The following SYCP2L variants were observed in gnomAD, a reference collection of about 807,000 sequenced individuals.
SYCP2L encodes synaptonemal complex protein 2 like, also known as synaptonemal complex protein 2-like.
Under a neutral mutation model 125.8 loss-of-function variants are expected in SYCP2L, and 98 were observed. That is an observed-to-expected ratio of 0.78 (90% CI 0.66 to 0.92). The LOEUF (loss-of-function observed/expected upper bound fraction) is 0.92, where lower values mean the gene tolerates loss of function less well. Among genes scored for constraint, SYCP2L ranks in the 40% least tolerant of loss-of-function variants. The pLI, the probability that SYCP2L is intolerant of heterozygous loss-of-function variation, is 0.00. For synonymous variants in SYCP2L, 317 were observed against 325.4 expected, an observed-to-expected ratio of 0.97 and a Z score of 0.28; for missense variants, 842 against 936.4, an observed-to-expected ratio of 0.90 and a Z score of 1.32.
intron 2 of SYCP2L, among the ~76,000 whole-genome samples, chr6:10,893,141 G>A (rs989146553): frequency 6.6e-6 from 1 of 152,098 alleles, no homozygotes; most frequent in African/African-American, 2.4e-5. Context: ...AAGTATTACA[G>A]GCATGCGCCA....
At chr6:10,963,897 G>C (rs747427999) in intron 29 of SYCP2L, 54 bp downstream of exon 29, 9 of 1,369,590 alleles carry the variant, frequency 6.6e-6, no homozygotes, top group Non-Finnish European at 9.3e-6. Context: ...TCAGGGCAGG[G>C]AGCAAGCTCT....
chr6:10,963,961 A>ATT (rs149829365), intron 29 of SYCP2L, 118 bp downstream of exon 29: 5,965 of 476,040 alleles, frequency 0.013, 2 homozygotes, highest in East Asian at 0.021. Flanking sequence ...GAACTTCTCC[A>ATT]TTTTTTTTTT....
At chr6:10,945,703 G>C (rs376407201) in intron 23 of SYCP2L, among the ~76,000 whole-genome samples, 1 of 151,356 alleles carries the variant, frequency 6.6e-6, no homozygotes, top group Admixed American at 6.6e-5. Context: ...CCAGGAGGCG[G>C]AGGTTGCGGT....
chr6:10,935,280 T>A, intron 21 of SYCP2L, 93 bp downstream of exon 21: 1 of 1,246,862 alleles, frequency 8.0e-7, no homozygotes, highest in Non-Finnish European at 1.1e-6. Context: ...TAATATCTAT[T>A]AAAGAAAATA....
intron 29 of SYCP2L, among the ~76,000 whole-genome samples, chr6:10,972,352 A>C (rs1432664430): frequency 6.6e-6 from 1 of 152,258 alleles, no homozygotes; most frequent in Non-Finnish European, 1.5e-5. Flanking sequence ...GCTCCAATAG[A>C]GAATTGGATT....
rs144680644 is a variant in SYCP2L, at chr6:10,966,963, A to G, written c.*37+3120A>G. Among the ~76,000 whole-genome samples the G allele has an allele frequency of 4.6e-3, 696 of 152,326 alleles. 3 individuals carry two copies. Among genetic ancestry groups the G allele is most frequent in the Non-Finnish European group, 8.1e-3 (550 of 68,002 alleles). ...TGTGAAAACTTAGATGAAATGAACA[A>G]TTTTCTAGATGAATATGATTGAAAT... On this transcript the variant is annotated intron_variant, in intron 29 of 29. Coordinates refer to ENST00000283141, the MANE Select transcript of SYCP2L (RefSeq NM_001040274.3).
At chr6:10,969,900 T>C (rs1181255651) in intron 29 of SYCP2L, among the ~76,000 whole-genome samples, 1 of 152,164 alleles carries the variant, frequency 6.6e-6, no homozygotes, top group Non-Finnish European at 1.5e-5. Flanking sequence ...TGATCCCACC[T>C]GTATGAAATG....
intron 1 of SYCP2L, among the ~76,000 whole-genome samples, chr6:10,890,584 T>C (rs1236444036): frequency 2.6e-5 from 4 of 152,240 alleles, no homozygotes; most frequent in Non-Finnish European, 5.9e-5. Flanking sequence ...CTGTATATTC[T>C]AGATATTAAT....
intron 20 of SYCP2L, among the ~76,000 whole-genome samples, chr6:10,932,028 G>A (rs1340455166): frequency 2.8e-5 from 4 of 144,564 alleles, no homozygotes; most frequent in Non-Finnish European, 6.0e-5. Context: ...AAATGTTGCT[G>A]GAGGATGTTT....
chr6:10,936,035 TTTA>T (rs146959086), intron 21 of SYCP2L, among the ~76,000 whole-genome samples: 28,223 of 151,914 alleles, frequency 0.19, 2,747 homozygotes, highest in Middle Eastern at 0.3. Flanking sequence ...ATAATATGAT[TTTA>T]TTATTATTAA....
In SYCP2L at chr6:10,948,691, A is replaced by G. The variant is rs145788807; in HGVS notation, c.1954+5945A>G. Reference sequence around the variant, plus strand: ...CCTGTACTTTTCTCCTACTGCTATTATCTGGCATTGGAATCAGTGTCACAC... The same window carrying G: ...CCTGTACTTTTCTCCTACTGCTATTGTCTGGCATTGGAATCAGTGTCACAC... On this transcript the variant is annotated intron_variant, in intron 23 of 29. Transcript: ENST00000283141. Among the ~76,000 whole-genome samples, 944 of 152,214 alleles carry G rather than the reference A, an allele frequency of 6.2e-3. 9 individuals are homozygous for G. The highest frequency in any genetic ancestry group is 0.02 in the African/African-American group (838 of 41,550).
rs1004243064 is a variant in SYCP2L, at chr6:10,926,278, T to TA, written c.1219-58dup. On this transcript the variant is annotated intron_variant, in intron 15 of 29. Coordinates refer to ENST00000283141, the MANE Select transcript of SYCP2L (RefSeq NM_001040274.3). ...TTTGTTCTAAGCTTTACGTTTTCCT[T>TA]AAATTTTTTTTTTTTTAAAGATGAC... The TA allele has an allele frequency of 3.1e-6, 4 of 1,304,020 alleles. No homozygotes were observed. In the African/African-American group the frequency reaches 4.5e-5, roughly 15 times the overall value. 80.8% of individuals were successfully genotyped at this position (1,304,020 alleles called of 1,614,324 possible). A position where few individuals can be genotyped will look rare whatever the true frequency, so the allele number is the denominator to read the frequency against.
chr6:10,898,352 A>G (rs1780296333), intron 5 of SYCP2L, among the ~76,000 whole-genome samples: 1 of 152,090 alleles, frequency 6.6e-6, no homozygotes, highest in South Asian at 2.1e-4. Context: ...CATCTCTACT[A>G]AAATACAGAA....
intron 14 of SYCP2L, among the ~76,000 whole-genome samples, chr6:10,920,706 G>A (rs541445393): frequency 3.3e-5 from 5 of 150,212 alleles, no homozygotes; most frequent in African/African-American, 1.2e-4. Flanking sequence ...TTTGTTACAG[G>A]TTTGTTACAT....
chr6:10,897,255 G>A (rs2153157), intron 4 of SYCP2L, among the ~76,000 whole-genome samples: 82,969 of 151,980 alleles, frequency 0.55, 23,862 homozygotes, highest in African/African-American at 0.72. Context: ...GCTTTTTAAC[G>A]AAAGAAAGAT....
rs1422005335 is a variant in SYCP2L at position 10,966,124 on chromosome 6, TAATAACAACAAC to T, written c.*37+2296_*37+2307del. On this transcript the variant is annotated intron_variant, in intron 29 of 29. Transcript: ENST00000283141. ...CAATACTCTGTCTCAATAATAATAA[TAATAACAACAAC>T]AATAACAACAACAACAACCACACCA... Among the ~76,000 whole-genome samples, 756 of 151,672 alleles carry T rather than the reference TAATAACAACAAC, an allele frequency of 5.0e-3. 7 individuals are homozygous for T. The highest frequency in any genetic ancestry group is 0.017 in the African/African-American group (721 of 41,396).
intron 21 of SYCP2L, among the ~76,000 whole-genome samples, chr6:10,941,294 T>A (rs1312436031): frequency 6.6e-6 from 1 of 151,978 alleles, no homozygotes; most frequent in Admixed American, 6.6e-5. Flanking sequence ...AAGCCAAAAT[T>A]GACAAATGGG....
rs372088135 is a variant in SYCP2L, at chr6:10,924,540, A to C, written c.1117A>C (p.Met373Leu). 9 of 1,600,700 alleles carry C rather than the reference A, an allele frequency of 5.6e-6. No individual in the cohort carries two copies. The highest frequency in any genetic ancestry group is 2.7e-5 in the African/African-American group (2 of 74,200). Reference protein sequence around the residue: ...KIFIIYLKKPMIISYKEVMKI... With the variant: ...KIFIIYLKKPLIISYKEVMKI... ...ATTTATCATTTACCTGAAGAAGCCC[A>C]TGATTATCAGCTACAAAGAAGTCAT... Residue 373 changes from methionine to leucine, a missense_variant, in exon 15 of 30, where the codon ATG becomes CTG. By Grantham distance (15) the Met-to-Leu change is conservative. Coordinates refer to ENST00000283141, the MANE Select transcript of SYCP2L (RefSeq NM_001040274.3).
Position 10,955,368 on chromosome 6 carries a change from A to G in SYCP2L, c.2056+151A>G, listed in dbSNP as rs890232918. ...ACTAAGCTTTTGTGCTTTTGGAGAC[A>G]AATAAGTTGTTGCACAAATTATAGA... On this transcript the variant is annotated intron_variant, in intron 24 of 29. Transcript: ENST00000283141. 40 of 549,532 alleles carry G rather than the reference A, an allele frequency of 7.3e-5. 1 individual carries two copies. Among genetic ancestry groups the G allele is most frequent in the Admixed American group, 7.2e-4 (22 of 30,554 alleles). 34.0% of individuals were successfully genotyped at this position (549,532 alleles called of 1,614,324 possible). A position where few individuals can be genotyped will look rare whatever the true frequency, so the allele number is the denominator to read the frequency against.
Sources: allele counts gnomAD v4.1 joint callset (sites outside exome capture counted in the v4.1 genomes callset), GRCh38; gene constraint gnomAD v4.1.1; transcripts MANE v1.5; gene names NCBI Gene and HGNC (gene_info 2026-07-23, HGNC 2026-07-21).